KCTD16: variants seen among roughly 807,000 people sequenced by gnomAD.
KCTD16 encodes BTB/POZ domain-containing protein KCTD16.
KCTD16 carries 13 observed loss-of-function variants against 33.2 expected under a neutral mutation model. That is an observed-to-expected ratio of 0.39 (90% CI 0.25 to 0.62). KCTD16 has a LOEUF of 0.62. KCTD16 is among the 20% of genes least tolerant of loss of function. KCTD16 has a pLI of 0.50. For missense variants in KCTD16, 441 were observed against 525.1 expected (o/e 0.84, Z 1.57); for synonymous variants, 197 against 195.3 (o/e 1.01, Z -0.07).
chr5:144,340,640 T>A (rs901378100), intron 3 of KCTD16, among the ~76,000 whole-genome samples: 2 of 152,046 alleles, frequency 1.3e-5, no homozygotes, highest in Non-Finnish European at 2.9e-5. Context: ...TTAGACAATG[T>A]TATAAGGGTG....
chr5:144,422,519 A>T (rs965964473), intron 3 of KCTD16, among the ~76,000 whole-genome samples: 1 of 152,040 alleles, frequency 6.6e-6, no homozygotes, highest in South Asian at 2.1e-4. Flanking sequence ...AGCCATCTCA[A>T]CTCCGTCTCC....
At chr5:144,423,533 G>A (rs1233122273) in intron 3 of KCTD16, among the ~76,000 whole-genome samples, 1 of 152,084 alleles carries the variant, frequency 6.6e-6, no homozygotes, top group Non-Finnish European at 1.5e-5. Context: ...TGTCATAACT[G>A]GGAAGGGGTT....
chr5:144,419,770 C>G (rs745695124), intron 3 of KCTD16, among the ~76,000 whole-genome samples: 2 of 152,068 alleles, frequency 1.3e-5, no homozygotes, highest in Admixed American at 6.6e-5. Flanking sequence ...GAAGAATAGA[C>G]CAAAGTTTTT....
intron 3 of KCTD16, among the ~76,000 whole-genome samples, chr5:144,375,103 G>T (rs1752060761): frequency 6.6e-6 from 1 of 152,186 alleles, no homozygotes; most frequent in South Asian, 2.1e-4. Context: ...GCCATGGTCT[G>T]CATAGGGAAG....
rs147234855 is a variant in KCTD16, at chr5:144,391,021, A to C, written c.833-82639A>C. 2.2e-3 allele frequency among the ~76,000 whole-genome samples: 338 copies of C among 152,080 alleles called. 3 individuals carry two copies. Among genetic ancestry groups the C allele is most frequent in the African/African-American group, 7.7e-3 (320 of 41,472 alleles). On this transcript the variant is annotated intron_variant, in intron 3 of 3. Coordinates refer to ENST00000512467, the MANE Select transcript of KCTD16 (RefSeq NM_020768.4). ...GAGTACCTACAGCTCCCCCGCCACA[A>C]CCAATTGCTGCTCATTTCCCCCTCC...
At chr5:144,359,541 C>A (rs765188057) in intron 3 of KCTD16, among the ~76,000 whole-genome samples, 1 of 151,750 alleles carries the variant, frequency 6.6e-6, no homozygotes, top group Non-Finnish European at 1.5e-5. Flanking sequence ...CTTTTTAATC[C>A]GTTACATGCA....
At chr5:144,386,473 T>C (rs1174981711) in intron 3 of KCTD16, among the ~76,000 whole-genome samples, 1 of 152,246 alleles carries the variant, frequency 6.6e-6, no homozygotes, top group Non-Finnish European at 1.5e-5. Flanking sequence ...ACTGTGGTAC[T>C]ATGGTCACAT....
intron 3 of KCTD16, among the ~76,000 whole-genome samples, chr5:144,436,558 T>A (rs1283510132): frequency 6.6e-6 from 1 of 151,786 alleles, no homozygotes; most frequent in Non-Finnish European, 1.5e-5. Context: ...GCCAACTACT[T>A]CCTAGAAAAT....
At chr5:144,195,451 A>G (rs1262648092) in intron 2 of KCTD16, among the ~76,000 whole-genome samples, 1 of 152,168 alleles carries the variant, frequency 6.6e-6, no homozygotes, top group African/African-American at 2.4e-5. Flanking sequence ...ATTTTTGCAG[A>G]ATCTCCAGCA....
chr5:144,173,264 T>C (rs1752433337), intron 1 of KCTD16, among the ~76,000 whole-genome samples: 1 of 152,116 alleles, frequency 6.6e-6, no homozygotes, highest in African/African-American at 2.4e-5. Flanking sequence ...ATAAAGAAAA[T>C]GTGACACATA....
intron 3 of KCTD16, among the ~76,000 whole-genome samples, chr5:144,465,097 A>G (rs1330052114): frequency 1.3e-5 from 2 of 151,938 alleles, no homozygotes; most frequent in Admixed American, 6.6e-5. Context: ...CAAAGATTCA[A>G]TGAAATAATA....
intron 3 of KCTD16, among the ~76,000 whole-genome samples, chr5:144,228,099 C>T (rs2126810104): frequency 6.6e-6 from 1 of 152,146 alleles, no homozygotes; most frequent in Non-Finnish European, 1.5e-5. Flanking sequence ...GAGTCATCAC[C>T]ATGTAGAATG....
chr5:144,397,348 AG>A (rs1752596412), intron 3 of KCTD16, among the ~76,000 whole-genome samples: 1 of 152,018 alleles, frequency 6.6e-6, no homozygotes, highest in Non-Finnish European at 1.5e-5. Flanking sequence ...GTTGGTTCCA[AG>A]TCTTTGCTAT....
At chr5:144,179,095 G>T (rs950167179) in intron 2 of KCTD16, among the ~76,000 whole-genome samples, 2 of 152,288 alleles carry the variant, frequency 1.3e-5, no homozygotes, top group Non-Finnish European at 2.9e-5. Flanking sequence ...TACAAATGAG[G>T]ATCTGAGGCC....
At chr5:144,283,554 T>C (rs188705745) in intron 3 of KCTD16, among the ~76,000 whole-genome samples, 2 of 152,348 alleles carry the variant, frequency 1.3e-5, no homozygotes, top group East Asian at 3.9e-4. Flanking sequence ...GAAGTCCCTA[T>C]ATTATGTACT....
At chr5:144,183,372 CACA>C (rs2126775109) in intron 2 of KCTD16, among the ~76,000 whole-genome samples, 1 of 152,242 alleles carries the variant, frequency 6.6e-6, no homozygotes, top group South Asian at 2.1e-4. Flanking sequence ...TATAATGATG[CACA>C]ACATTTGCTG....
chr5:144,296,063 A>G (rs1442973834), intron 3 of KCTD16, among the ~76,000 whole-genome samples: 1 of 152,250 alleles, frequency 6.6e-6, no homozygotes, highest in Non-Finnish European at 1.5e-5. Flanking sequence ...GAAAACTAAC[A>G]TAGGGACAAA....
intron 3 of KCTD16, among the ~76,000 whole-genome samples, chr5:144,462,568 TAA>T (rs11285229): frequency 1.2e-4 from 17 of 138,728 alleles, no homozygotes; most frequent in African/African-American, 1.6e-4. Context: ...TTTGGTTTCT[TAA>T]AAAAAAAAAA....
chr5:144,448,308 T>A (rs947069267), intron 3 of KCTD16, among the ~76,000 whole-genome samples: 2 of 152,068 alleles, frequency 1.3e-5, no homozygotes, highest in African/African-American at 2.4e-5. Flanking sequence ...TCATTGTAAA[T>A]CTAGATTTTG....
Sources: allele counts gnomAD v4.1 joint callset (sites outside exome capture counted in the v4.1 genomes callset), GRCh38; gene constraint gnomAD v4.1.1; transcripts MANE v1.5; gene names NCBI Gene and HGNC (gene_info 2026-07-23, HGNC 2026-07-21).